The following AACS variants were observed in gnomAD, a reference collection of about 807,000 sequenced individuals.
The protein encoded by AACS is acetoacetate-CoA ligase.
A neutral mutation model predicts 83.1 loss-of-function variants in AACS; 69 were observed. The observed-to-expected ratio is 0.83, with a 90% confidence interval of 0.68 to 1.01. The LOEUF (loss-of-function observed/expected upper bound fraction) is 1.01. Ranked by LOEUF, AACS falls within the 50% of genes least tolerant of loss-of-function variation. AACS has a pLI of 0.00. For missense variants in AACS, 866 were observed against 882.2 expected, an observed-to-expected ratio of 0.98 and a Z score of 0.23; for synonymous variants, 333 against 343.4, an observed-to-expected ratio of 0.97 and a Z score of 0.33.
At chr12:125,096,640 G>T (rs1956614495) in intron 5 of AACS, among the ~76,000 whole-genome samples, 1 of 152,212 alleles carries the variant, frequency 6.6e-6, no homozygotes, top group Non-Finnish European at 1.5e-5. Flanking sequence ...CTTAGAGTAG[G>T]TTGAATGTGT....
rs773453915 is a variant in AACS, at chr12:125,124,975, G to A, written c.1260G>A (p.Glu420=). The change falls in exon 12 of 18, where the codon GAG becomes GAA. Residue 420 remains glutamate (E), a synonymous_variant. Transcript: ENST00000316519. ...TGSPLKAQSY[E]YVYRCIKSSI... ...CCCCACTGAAAGCCCAGAGCTACGA[G>A]TATGTCTACAGGTGCATCAAGAGCA... The A allele has an allele frequency of 3.7e-6, 6 of 1,614,210 alleles. No homozygotes were observed. Among genetic ancestry groups the A allele is most frequent in the South Asian group, 2.2e-5 (2 of 91,084 alleles).
intron 10 of AACS, chr12:125,123,903 T>A (rs970384950): frequency 5.9e-5 from 9 of 152,242 alleles, no homozygotes; most frequent in African/African-American, 1.9e-4. Context: ...CAGCAGCGTG[T>A]GTTGTTCTGT....
rs757016707 is a variant in AACS at position 125,107,251 on chromosome 12, A to C, written c.898A>C (p.Met300Leu). ...SSGTTGAPKC[M>L]VHSAGGTLIQ... The stretch of plus-strand genomic sequence containing the variant: ...GGGCACCACGGGCGCACCCAAGTGC[A>C]TGGTGCATTCCGCTGGGGTAGGTCT... Residue 300 changes from methionine to leucine, a missense_variant, in exon 8 of 18, where the codon ATG becomes CTG. Transcript: ENST00000316519. 3 of 1,613,794 alleles carry C rather than the reference A, an allele frequency of 1.9e-6. No individual in the cohort carries two copies. The African/African-American group carries it at 4.0e-5, about 22-fold the overall frequency.
intron 3 of AACS, among the ~76,000 whole-genome samples, chr12:125,081,580 G>A (rs753203824): frequency 1.3e-5 from 2 of 152,092 alleles, no homozygotes; most frequent in African/African-American, 2.4e-5. Context: ...AATCCCCGTC[G>A]AGGCCATGCG....
At chr12:125,093,188 C>T (rs12302714) in intron 5 of AACS, among the ~76,000 whole-genome samples, 47,587 of 152,196 alleles carry the variant, frequency 0.31, 8,259 homozygotes, top group Non-Finnish European at 0.39. Flanking sequence ...CTTTTGTAAA[C>T]GGGTTGTGAG....
chr12:125,099,158 C>T (rs1956670466), intron 5 of AACS, among the ~76,000 whole-genome samples: 1 of 152,212 alleles, frequency 6.6e-6, no homozygotes, highest in African/African-American at 2.4e-5. Flanking sequence ...CCAAGATAAT[C>T]ATGCGATTTC....
intron 3 of AACS, among the ~76,000 whole-genome samples, 190 bp from the exon 4 acceptor site, chr12:125,086,140 G>A (rs1956334380): frequency 6.6e-6 from 1 of 152,184 alleles, no homozygotes; most frequent in Admixed American, 6.5e-5. Flanking sequence ...ATGTTCGGCT[G>A]ACTCTTGCAG....
At chr12:125,075,121 T>C (rs1219482834) in intron 2 of AACS, among the ~76,000 whole-genome samples, 2 of 149,756 alleles carry the variant, frequency 1.3e-5, no homozygotes, top group East Asian at 4.0e-4. Context: ...ATTACAGGCA[T>C]GCGCCACCAC....
intron 8 of AACS, among the ~76,000 whole-genome samples, chr12:125,112,534 G>C (rs1013209126): frequency 2.9e-4 from 44 of 152,126 alleles, no homozygotes; most frequent in African/African-American, 1.0e-3. Context: ...AAAAAAATTA[G>C]CTGGGCATGG....
chr12:125,110,591 C>T (rs1956934411), intron 8 of AACS, among the ~76,000 whole-genome samples: 1 of 152,160 alleles, frequency 6.6e-6, no homozygotes, highest in Admixed American at 6.5e-5. Context: ...GCTCATTTCC[C>T]CATTTCCCTA....
At chr12:125,078,050 T>A in intron 3 of AACS, 1 of 429,552 alleles carries the variant, frequency 2.3e-6, no homozygotes, top group Non-Finnish European at 4.7e-6. Context: ...AAAGATTAAT[T>A]CACTGTGGTA....
At chr12:125,077,606 AGTC>A (rs1459421875) in intron 3 of AACS, among the ~76,000 whole-genome samples, 3 of 152,182 alleles carry the variant, frequency 2.0e-5, no homozygotes, top group Admixed American at 1.3e-4. Context: ...GATAAACTGA[AGTC>A]GTGTTCTGCC....
At chr12:125,104,291 G>A (rs1956786992) in intron 7 of AACS, among the ~76,000 whole-genome samples, 1 of 152,188 alleles carries the variant, frequency 6.6e-6, no homozygotes, top group African/African-American at 2.4e-5. Flanking sequence ...CTTCATACCA[G>A]CCACGGGGAC....
intron 1 of AACS, among the ~76,000 whole-genome samples, 182 bp from the exon 2 acceptor site, chr12:125,073,694 T>C (rs1325434570): frequency 6.6e-6 from 1 of 152,176 alleles, no homozygotes; most frequent in Non-Finnish European, 1.5e-5. Flanking sequence ...TTTGTTCTTT[T>C]TGGGGACTAG....
chr12:125,129,186 G>A lies in AACS; in HGVS notation c.1424-149G>A. 1.8e-6 allele frequency: 2 copies of A among 1,108,358 alleles called. No individual in the cohort carries two copies. Among genetic ancestry groups the A allele is most frequent in the Non-Finnish European group, 2.4e-6 (2 of 823,784 alleles). The allele number at this position is 1,108,358 out of a possible 1,614,324, so 68.7% of individuals were successfully genotyped here. A position where few individuals can be genotyped will look rare whatever the true frequency, so the allele number is the denominator to read the frequency against. On this transcript the variant is annotated intron_variant, in intron 13 of 17. Transcript: ENST00000316519. The surrounding 1 kb of genome is among the most constrained non-coding windows in gnomAD (Gnocchi z 4.3). Reference sequence around the variant, plus strand: ...GGGAGGAACGCATTATTAGGCTGCTGTGACAGGTGTGTGGGCGTGGACCAT... The same window carrying A: ...GGGAGGAACGCATTATTAGGCTGCTATGACAGGTGTGTGGGCGTGGACCAT...
chr12:125,125,131 CAGCCA>C (rs1445754256), intron 12 of AACS, 107 bp downstream of exon 12: 8 of 1,512,902 alleles, frequency 5.3e-6, no homozygotes, highest in Non-Finnish European at 7.2e-6. Flanking sequence ...GTCCGCTGGG[CAGCCA>C]ATACGCACAG....
At chr12:125,133,678 T>C (rs1171350461) in intron 14 of AACS, among the ~76,000 whole-genome samples, 5 of 152,176 alleles carry the variant, frequency 3.3e-5, no homozygotes, top group Non-Finnish European at 7.4e-5. Context: ...TGTGCTACAC[T>C]CAGGGTTGTC....
chr12:125,126,982 T>C (rs1033137202), intron 12 of AACS: 6 of 151,974 alleles, frequency 3.9e-5, no homozygotes, highest in African/African-American at 1.5e-4. Flanking sequence ...AGGTGCTATT[T>C]ATACAAAATT....
At chr12:125,095,031 G>A (rs949821637) in intron 5 of AACS, among the ~76,000 whole-genome samples, 25 of 149,346 alleles carry the variant, frequency 1.7e-4, no homozygotes, top group Non-Finnish European at 3.0e-4. Flanking sequence ...GTGTCTGTGT[G>A]TGTAAATAGG....
Sources: gnomAD v4.1 joint callset for allele counts (sites outside exome capture counted in the v4.1 genomes callset) on GRCh38, gnomAD v4.1.1 for gene constraint, Gnocchi (gnomAD v3.1) non-coding constraint, MANE v1.5 for transcripts, NCBI Gene and HGNC (gene_info 2026-07-23, HGNC 2026-07-21) for gene names.